Variants in C10orf90 observed in about 807,000 individuals in gnomAD.
C10orf90 encodes the protein (E2-independent) E3 ubiquitin-conjugating enzyme FATS.
C10orf90 carries 56 observed loss-of-function variants against 62.5 expected under a neutral mutation model. The observed-to-expected ratio is 0.90, with a 90% CI of 0.72 to 1.12. C10orf90 has a LOEUF of 1.12. Among genes scored for constraint, C10orf90 ranks in the 50% most tolerant of loss-of-function variants. C10orf90 has a pLI of 0.00. For missense variants in C10orf90, 970 were observed against 880.4 expected, an observed-to-expected ratio of 1.10 and a Z score of -1.29; for synonymous variants, 386 against 340.4, an observed-to-expected ratio of 1.13 and a Z score of -1.47.
chr10:126,506,257 A>G (rs1194810315), intron 3 of C10orf90, among the ~76,000 whole-genome samples: 1 of 152,244 alleles, frequency 6.6e-6, no homozygotes, highest in South Asian at 2.1e-4. Context: ...AACCAGGTCT[A>G]TACTCATTTG....
At chr10:126,532,570 G>T (rs966343189) in intron 2 of C10orf90, among the ~76,000 whole-genome samples, 3 of 151,884 alleles carry the variant, frequency 2.0e-5, no homozygotes, top group Non-Finnish European at 4.4e-5. Flanking sequence ...GGGCGCGGTG[G>T]CTCACGCCTA....
At chr10:126,665,059 C>T (rs1301919819) in intron 1 of C10orf90, among the ~76,000 whole-genome samples, 2 of 152,208 alleles carry the variant, frequency 1.3e-5, no homozygotes, top group East Asian at 1.9e-4. Flanking sequence ...CCAGCACCCA[C>T]CAGACAGCAG....
At chr10:126,602,544 G>A (rs1845218224) in intron 2 of C10orf90, among the ~76,000 whole-genome samples, 1 of 152,170 alleles carries the variant, frequency 6.6e-6, no homozygotes, top group South Asian at 2.1e-4. Flanking sequence ...CCTGGGCTCA[G>A]GAGCACACAA....
chr10:126,503,762 AG>A (rs150871815), intron 4 of C10orf90, among the ~76,000 whole-genome samples, 194 bp downstream of exon 4: 1,620 of 152,326 alleles, frequency 0.011, 22 homozygotes, highest in African/African-American at 0.037. Context: ...AATCTACAAA[AG>A]TCTCAACTAA....
intron 2 of C10orf90, among the ~76,000 whole-genome samples, chr10:126,614,474 C>G (rs1845500366): frequency 6.6e-6 from 1 of 152,208 alleles, no homozygotes; most frequent in Admixed American, 6.5e-5. Flanking sequence ...GTATCACCTT[C>G]TGCTCAATCC....
intron 1 of C10orf90, among the ~76,000 whole-genome samples, chr10:126,655,834 C>CAAAAAAAAAAAAA (rs1195360598): frequency 1.5e-4 from 19 of 126,464 alleles, no homozygotes; most frequent in Admixed American, 2.5e-4. Flanking sequence ...CAAAACAAAA[C>CAAAAAAAAAAAAA]AAAACAAAAA....
intron 2 of C10orf90, among the ~76,000 whole-genome samples, chr10:126,596,134 T>C (rs962803269): frequency 9.7e-5 from 14 of 144,636 alleles, no homozygotes; most frequent in Admixed American, 3.4e-4. Context: ...CCCTATCTCT[T>C]ATTTAAAAAA....
intron 2 of C10orf90, among the ~76,000 whole-genome samples, chr10:126,628,306 T>C (rs926414308): frequency 1.2e-4 from 19 of 152,202 alleles, no homozygotes; most frequent in Admixed American, 1.2e-3. Flanking sequence ...TATTCATATA[T>C]TGTCAAAGCC....
chr10:126,527,087 T>C (rs763186395), intron 2 of C10orf90, among the ~76,000 whole-genome samples: 27 of 111,376 alleles, frequency 2.4e-4, no homozygotes, highest in Non-Finnish European at 4.3e-4. Flanking sequence ...AGGAGTGGAA[T>C]TGCCGTGTCG....
intron 1 of C10orf90, among the ~76,000 whole-genome samples, chr10:126,657,608 C>CT (rs71488508): frequency 0.18 from 25,155 of 141,410 alleles, 2,238 homozygotes; most frequent in Middle Eastern, 0.23. Context: ...AATACTTTGT[C>CT]TTTTTTTTTT....
intron 2 of C10orf90, among the ~76,000 whole-genome samples, chr10:126,555,680 G>GTAAA (rs71032506): frequency 0.36 from 49,462 of 136,186 alleles, 9,150 homozygotes; most frequent in South Asian, 0.43. Context: ...CTCTATCTCA[G>GTAAA]TAAATAAATA....
chr10:126,555,776 C>T (rs946480723), intron 2 of C10orf90, among the ~76,000 whole-genome samples: 12 of 151,750 alleles, frequency 7.9e-5, no homozygotes, highest in African/African-American at 2.7e-4. Context: ...TGGGTCAATG[C>T]GAGTGGAGTC....
chr10:126,458,209 G>T (rs1474553187), intron 7 of C10orf90, among the ~76,000 whole-genome samples: 2 of 152,076 alleles, frequency 1.3e-5, no homozygotes, highest in East Asian at 1.9e-4. Context: ...TATTGAACAT[G>T]GTTATTTCCC....
intron 2 of C10orf90, among the ~76,000 whole-genome samples, chr10:126,532,653 C>A (rs888846775): frequency 2.7e-5 from 4 of 150,876 alleles, no homozygotes; most frequent in African/African-American, 7.3e-5. Context: ...CTGGCTAACA[C>A]GGTGAAACCC....
intron 2 of C10orf90, among the ~76,000 whole-genome samples, chr10:126,593,415 T>C (rs138993776): frequency 0.12 from 17,517 of 152,200 alleles, 1,638 homozygotes; most frequent in African/African-American, 0.26. Flanking sequence ...AAGCTGTTAT[T>C]CTCAGCAAAC....
intron 3 of C10orf90, among the ~76,000 whole-genome samples, chr10:126,507,132 T>A (rs1222802146): frequency 6.6e-6 from 1 of 151,332 alleles, no homozygotes; most frequent in East Asian, 1.9e-4. Context: ...CCAAGGCGGG[T>A]GGATCATGAG....
intron 8 of C10orf90, among the ~76,000 whole-genome samples, chr10:126,426,306 T>TG (rs1489840213): frequency 6.6e-6 from 1 of 152,172 alleles, no homozygotes; most frequent in Non-Finnish European, 1.5e-5. Flanking sequence ...CAGTGCTACG[T>TG]GGGGCAATGC....
chr10:126,647,473 T>C (rs1306666523), intron 1 of C10orf90, among the ~76,000 whole-genome samples: 1 of 152,232 alleles, frequency 6.6e-6, no homozygotes, highest in Non-Finnish European at 1.5e-5. Flanking sequence ...TCTCATCCCC[T>C]GCATCTGGGC....
At chr10:126,517,755 C>T (rs1275008910) in intron 2 of C10orf90, among the ~76,000 whole-genome samples, 1 of 151,972 alleles carries the variant, frequency 6.6e-6, no homozygotes, top group Non-Finnish European at 1.5e-5. Flanking sequence ...ACTAAAAATA[C>T]AAAAATTAGC....
Sources: allele counts gnomAD v4.1 joint callset (sites outside exome capture counted in the v4.1 genomes callset), GRCh38; gene constraint gnomAD v4.1.1; transcripts MANE v1.5; gene names NCBI Gene and HGNC (gene_info 2026-07-23, HGNC 2026-07-21).